Variants in ZNF676 observed in about 807,000 individuals in gnomAD.
ZNF676 encodes the protein zinc finger protein 676.
A neutral mutation model predicts 6.0 loss-of-function variants in ZNF676; 4 were observed. The ratio of observed to expected loss-of-function variants is 0.67; its 90% CI spans 0.33 to 1.53. The LOEUF (loss-of-function observed/expected upper bound fraction) is 1.53. ZNF676 is among the 40% of genes most tolerant of loss of function. The probability of loss-of-function intolerance (pLI) is 0.06; values close to 1 mark genes in which losing one functional copy is unlikely to be tolerated. For missense variants in ZNF676, 644 were observed against 679.7 expected, an observed-to-expected ratio of 0.95 and a Z score of 0.58; for synonymous variants, 198 against 223.1, an observed-to-expected ratio of 0.89 and a Z score of 1.00.
chr19:22,253,353 G>GGT, the ZNF676 span, among the ~76,000 whole-genome samples: 559 of 105,834 alleles, frequency 5.3e-3, 8 homozygotes, highest in African/African-American at 0.021. Context: ...TATGATAATG[G>GGT]GTGTGTGTGT....
intron 2 of ZNF676, among the ~76,000 whole-genome samples, chr19:22,185,513 T>C (rs150615918): frequency 2.8e-5 from 4 of 145,260 alleles, no homozygotes; most frequent in Non-Finnish European, 6.0e-5. Context: ...CAAAACTGAA[T>C]GGAGAATGAG....
At chr19:22,233,293 G>T in the ZNF676 span, among the ~76,000 whole-genome samples, 1 of 151,814 alleles carries the variant, frequency 6.6e-6, no homozygotes, top group African/African-American at 2.4e-5. Flanking sequence ...ACAGGTGTGA[G>T]CCATCTCACC....
At chr19:22,185,946 G>A (rs1380096624) in intron 2 of ZNF676, among the ~76,000 whole-genome samples, 1 of 152,112 alleles carries the variant, frequency 6.6e-6, no homozygotes, top group Admixed American at 6.6e-5. Context: ...AACCAAGTAG[G>A]AAAACACTCT....
chr19:22,218,334 T>C, upstream of ZNF676, among the ~76,000 whole-genome samples: 1 of 151,986 alleles, frequency 6.6e-6, no homozygotes, highest in East Asian at 1.9e-4. Context: ...AGATACTTTT[T>C]TTTTATTTTT....
At chr19:22,257,210 C>T in the ZNF676 span, among the ~76,000 whole-genome samples, 2 of 152,168 alleles carry the variant, frequency 1.3e-5, no homozygotes, top group African/African-American at 4.8e-5. Flanking sequence ...GGACTAGGCC[C>T]AGGCTGGAGA....
At chr19:22,225,332 A>G in the ZNF676 span, among the ~76,000 whole-genome samples, 1 of 151,688 alleles carries the variant, frequency 6.6e-6, no homozygotes, top group Non-Finnish European at 1.5e-5. Flanking sequence ...TGTATGTTAA[A>G]TTTTTTGATG....
chr19:22,257,731 A>G, the ZNF676 span, among the ~76,000 whole-genome samples: 2 of 152,014 alleles, frequency 1.3e-5, no homozygotes, highest in Admixed American at 1.3e-4. Flanking sequence ...GAGAAGAGTC[A>G]TATCACCTAG....
chr19:22,228,383 A>G, the ZNF676 span, among the ~76,000 whole-genome samples: 201 of 152,268 alleles, frequency 1.3e-3, 3 homozygotes, highest in Middle Eastern at 0.031. Flanking sequence ...TTTATGACAG[A>G]CCACAGTTAA....
At chr19:22,227,044 T>C in the ZNF676 span, among the ~76,000 whole-genome samples, 1 of 152,218 alleles carries the variant, frequency 6.6e-6, no homozygotes. Context: ...ATACTGGCAC[T>C]GCATATGCCC....
chr19:22,208,015 TAAG>T (rs1445281767), intron 1 of ZNF676, among the ~76,000 whole-genome samples: 1 of 147,004 alleles, frequency 6.8e-6, no homozygotes, highest in African/African-American at 2.5e-5. Flanking sequence ...CCCTGGAAGA[TAAG>T]AAGTGCCATT....
At position 22,179,897 on chromosome 19, in the gene ZNF676, T is replaced by G; in HGVS notation, c.*53A>C. On this transcript the variant is annotated 3_prime_UTR_variant, in exon 3 of 3. Transcript: ENST00000397121. ...ATTTTCTCTCCAGTATGAATTTTCT[T>G]ATGTTTACTAGACTGAGAATCAGCT... The G allele has an allele frequency of 3.2e-6, 5 of 1,572,274 alleles. No individual in the cohort carries two copies. The highest frequency in any genetic ancestry group is 1.7e-4 in the Middle Eastern group (1 of 5,932).
At chr19:22,216,934 TAA>T (rs368316740), upstream of ZNF676, among the ~76,000 whole-genome samples, 7 of 136,898 alleles carry the variant, frequency 5.1e-5, no homozygotes, top group Non-Finnish European at 6.3e-5. Context: ...AGACTCTTTC[TAA>T]AAAAAAAAAA....
At chr19:22,187,561 A>G (rs538600486) in intron 2 of ZNF676, among the ~76,000 whole-genome samples, 26 of 152,240 alleles carry the variant, frequency 1.7e-4, no homozygotes, top group Non-Finnish European at 3.5e-4. Context: ...CTTCAAAAAA[A>G]TCAGTGAATC....
chr19:22,208,637 G>GTAGA (rs1262687645), intron 1 of ZNF676, among the ~76,000 whole-genome samples: 1 of 152,148 alleles, frequency 6.6e-6, no homozygotes, highest in Non-Finnish European at 1.5e-5. Context: ...CCTATCAATG[G>GTAGA]TAGACTGGAT....
At chr19:22,231,311 G>A in the ZNF676 span, among the ~76,000 whole-genome samples, 1 of 151,796 alleles carries the variant, frequency 6.6e-6, no homozygotes, top group African/African-American at 2.4e-5. Flanking sequence ...GAGAAAATTA[G>A]AGACAAAGAT....
the ZNF676 span, among the ~76,000 whole-genome samples, chr19:22,224,526 AT>A: frequency 1.3e-5 from 2 of 151,816 alleles, 1 homozygote; most frequent in Admixed American, 1.3e-4. Context: ...AAATAATCTT[AT>A]TTTTGCCTTG....
chr19:22,242,356 AC>A, the ZNF676 span, among the ~76,000 whole-genome samples: 1 of 151,848 alleles, frequency 6.6e-6, no homozygotes, highest in African/African-American at 2.4e-5. Flanking sequence ...TGCAGGCAAA[AC>A]AAATTCATCA....
upstream of ZNF676, among the ~76,000 whole-genome samples, chr19:22,201,731 CAAAAAAAAAAAA>C (rs35526921): frequency 4.1e-4 from 31 of 76,216 alleles, no homozygotes; most frequent in Admixed American, 9.6e-4. Context: ...TTTGTAAAGG[CAAAAAAAAAAAA>C]AAAAAAAAAA....
chr19:22,220,426 T>C (rs566982311), upstream of ZNF676, among the ~76,000 whole-genome samples: 6 of 151,962 alleles, frequency 3.9e-5, no homozygotes, highest in African/African-American at 1.4e-4. Flanking sequence ...AATTGAGCTA[T>C]GAATCCATCT....
Sources: allele counts gnomAD v4.1 joint callset (sites outside exome capture counted in the v4.1 genomes callset), GRCh38; gene constraint gnomAD v4.1.1; transcripts MANE v1.5; gene names NCBI Gene and HGNC (gene_info 2026-07-23, HGNC 2026-07-21).